NEBL: variants seen among roughly 807,000 people sequenced by gnomAD.
NEBL encodes the protein LIM and SH3 protein 2.
NEBL carries 122 observed loss-of-function variants against 140.2 expected under a neutral mutation model. The ratio of observed to expected loss-of-function variants is 0.87; its 90% CI spans 0.75 to 1.01. The LOEUF (loss-of-function observed/expected upper bound fraction) is 1.01. Ranked by LOEUF, NEBL falls within the 50% of genes least tolerant of loss-of-function variation. The pLI is 0.00. For synonymous variants in NEBL, 436 were observed against 398.9 expected, an observed-to-expected ratio of 1.09 and a Z score of -1.11; for missense variants, 1,365 against 1,231.3, an observed-to-expected ratio of 1.11 and a Z score of -1.62.
At chr10:21,012,156 G>A (rs115640992) in intron 3 of NEBL, among the ~76,000 whole-genome samples, 4 of 151,990 alleles carry the variant, frequency 2.6e-5, no homozygotes, top group Non-Finnish European at 5.9e-5. Flanking sequence ...TTTTCTGCTT[G>A]CTTCGTACAA....
At chr10:21,021,425 C>T (rs1409960962) in intron 2 of NEBL, among the ~76,000 whole-genome samples, 6 of 152,176 alleles carry the variant, frequency 3.9e-5, no homozygotes, top group African/African-American at 1.2e-4. Context: ...GCCCCCATGG[C>T]CAGGCCTCTG....
chr10:21,142,400 A>G (rs1839670944), intron 2 of NEBL, among the ~76,000 whole-genome samples: 1 of 152,084 alleles, frequency 6.6e-6, no homozygotes, highest in Admixed American at 6.6e-5. Context: ...AGATCACCTT[A>G]CCACTCAGTC....
chr10:21,129,332 A>G (rs1283934306), intron 2 of NEBL, among the ~76,000 whole-genome samples: 1 of 151,948 alleles, frequency 6.6e-6, no homozygotes, highest in African/African-American at 2.4e-5. Context: ...CTCTGACCTC[A>G]AACTCCTGGG....
At chr10:21,270,749 C>CT (rs924873259) in intron 1 of NEBL, among the ~76,000 whole-genome samples, 5 of 152,168 alleles carry the variant, frequency 3.3e-5, no homozygotes, top group African/African-American at 1.2e-4. Flanking sequence ...TCGTTCAACT[C>CT]TTTTTTATAC....
chr10:20,787,008 C>T (rs1260557918), intron 27 of NEBL, among the ~76,000 whole-genome samples, 194 bp downstream of exon 27: 2 of 152,140 alleles, frequency 1.3e-5, no homozygotes, highest in Non-Finnish European at 2.9e-5. Flanking sequence ...CTTATTAATG[C>T]CTTCCTTTCT....
Position 20,831,465 on chromosome 10 carries a change from T to C in NEBL, c.1560+8A>G, listed in dbSNP as rs1840406824. The C allele has an allele frequency of 1.3e-6, 2 of 1,590,680 alleles. No homozygotes were observed. The highest frequency in any genetic ancestry group is 1.7e-6 in the Non-Finnish European group (2 of 1,159,732). On this transcript the variant is annotated splice_region_variant and intron_variant, in intron 15 of 27. Coordinates refer to ENST00000377122, the MANE Select transcript of NEBL (RefSeq NM_006393.3). Reference sequence around the variant, plus strand: ...TATTTTAAACTTTGTATCTTGCTGCTGTCTTACCTGGCTGGCCATCTCGGA... The same window carrying C: ...TATTTTAAACTTTGTATCTTGCTGCCGTCTTACCTGGCTGGCCATCTCGGA...
intron 18 of NEBL, among the ~76,000 whole-genome samples, chr10:20,824,429 C>A (rs1024728293): frequency 6.6e-6 from 1 of 152,124 alleles, no homozygotes; most frequent in African/African-American, 2.4e-5. Flanking sequence ...AGACCCAAAA[C>A]AGTTAAATTG....
intron 2 of NEBL, among the ~76,000 whole-genome samples, chr10:21,061,610 G>A (rs1263181942): frequency 2.0e-5 from 3 of 150,248 alleles, no homozygotes; most frequent in African/African-American, 7.3e-5. Flanking sequence ...CTTATCTGAC[G>A]TTGGGATGAG....
chr10:21,151,796 C>A (rs1359450319), intron 2 of NEBL, among the ~76,000 whole-genome samples: 1 of 152,196 alleles, frequency 6.6e-6, no homozygotes, highest in Non-Finnish European at 1.5e-5. Context: ...CCAACTTATG[C>A]AAAATTGCAA....
intron 2 of NEBL, 59 bp downstream of exon 2, chr10:20,896,899 A>C: frequency 7.2e-7 from 1 of 1,384,786 alleles, no homozygotes; most frequent in Non-Finnish European, 1.0e-6. Context: ...ATGACTCTAT[A>C]ACATAATAAT....
chr10:21,239,813 A>T (rs11012608), intron 3 of NEBL, among the ~76,000 whole-genome samples: 1 of 151,860 alleles, frequency 6.6e-6, no homozygotes. Flanking sequence ...TCAGGAGATC[A>T]AGACCATCCT....
chr10:21,046,907 C>T (rs1834545558), intron 2 of NEBL, among the ~76,000 whole-genome samples: 1 of 152,062 alleles, frequency 6.6e-6, no homozygotes, highest in Non-Finnish European at 1.5e-5. Context: ...CGGCCCCTAA[C>T]CTCAATATTT....
chr10:21,057,542 CTT>C (rs5783764), intron 2 of NEBL, among the ~76,000 whole-genome samples: 8 of 71,728 alleles, frequency 1.1e-4, no homozygotes, highest in Admixed American at 2.5e-4. Flanking sequence ...AATGAAATTC[CTT>C]TTTTTTTTTT....
chr10:21,200,048 T>C (rs1329994257), intron 3 of NEBL, among the ~76,000 whole-genome samples: 3 of 152,072 alleles, frequency 2.0e-5, no homozygotes, highest in African/African-American at 7.2e-5. Context: ...GGATGGGCCA[T>C]CCTAGCTCCA....
chr10:21,005,734 C>A (rs1838111587), intron 3 of NEBL, among the ~76,000 whole-genome samples: 1 of 151,546 alleles, frequency 6.6e-6, no homozygotes, highest in Non-Finnish European at 1.5e-5. Context: ...TGTCTCAAAA[C>A]AATAATAATA....
intron 2 of NEBL, among the ~76,000 whole-genome samples, chr10:21,134,892 T>C (rs986840254): frequency 2.6e-5 from 4 of 152,226 alleles, no homozygotes; most frequent in Non-Finnish European, 5.9e-5. Flanking sequence ...TTTCAGAATT[T>C]CTCTTATGAA....
intron 3 of NEBL, among the ~76,000 whole-genome samples, chr10:21,015,353 T>A (rs907189515): frequency 1.1e-4 from 16 of 152,280 alleles, no homozygotes; most frequent in African/African-American, 3.9e-4. Flanking sequence ...GAAGAACCAT[T>A]TCAACGGCTT....
At chr10:20,999,495 A>T (rs1837802045) in intron 3 of NEBL, among the ~76,000 whole-genome samples, 1 of 152,196 alleles carries the variant, frequency 6.6e-6, no homozygotes, top group South Asian at 2.1e-4. Flanking sequence ...GCTACTCAGG[A>T]GGCTGAGGTA....
At chr10:21,161,951 T>C (rs1169315341) in intron 2 of NEBL, among the ~76,000 whole-genome samples, 1 of 152,236 alleles carries the variant, frequency 6.6e-6, no homozygotes, top group Non-Finnish European at 1.5e-5. Context: ...GGTGGCTCAG[T>C]GCACCAGAAA....
Sources: gnomAD v4.1 joint callset for allele counts (sites outside exome capture counted in the v4.1 genomes callset) on GRCh38, gnomAD v4.1.1 for gene constraint, MANE v1.5 for transcripts, NCBI Gene and HGNC (gene_info 2026-07-23, HGNC 2026-07-21) for gene names.